The following SREBF1 variants were observed in gnomAD, a reference collection of about 807,000 sequenced individuals.
SREBF1 encodes sterol regulatory element binding transcription factor 1.
SREBF1 carries 45 observed loss-of-function variants against 100.1 expected under a neutral mutation model. The observed-to-expected ratio is 0.45, with a 90% confidence interval of 0.35 to 0.58. The LOEUF is 0.58. Among genes scored for constraint, SREBF1 ranks in the 20% least tolerant of loss-of-function variants. SREBF1 has a pLI of 0.00. For missense variants in SREBF1, 1,324 were observed against 1,539.4 expected, an observed-to-expected ratio of 0.86 and a Z score of 2.34; for synonymous variants, 657 against 681.8, an observed-to-expected ratio of 0.96 and a Z score of 0.57.
intron 1 of SREBF1, among the ~76,000 whole-genome samples, chr17:17,831,060 T>C (rs2034829908): frequency 6.6e-6 from 1 of 152,194 alleles, no homozygotes; most frequent in Admixed American, 6.5e-5. Flanking sequence ...AGGTGAATGT[T>C]GGGCAGAAGG....
chr17:17,823,404 G>A (rs1310634364), intron 1 of SREBF1: 2 of 852,188 alleles, frequency 2.3e-6, no homozygotes, highest in Non-Finnish European at 4.0e-6. Context: ...TCTCCCTCGG[G>A]AAGGGGCTCT....
chr17:17,813,352 GCAGCTGC>G lies in SREBF1; in HGVS notation c.3214+9_3214+15del. 1 of 1,577,942 alleles carries G rather than the reference GCAGCTGC, an allele frequency of 6.3e-7. No homozygotes were observed. On this transcript the variant is annotated intron_variant, in intron 18 of 18. Coordinates refer to ENST00000261646, the MANE Select transcript of SREBF1 (RefSeq NM_004176.5). Reference sequence around the variant, plus strand: ...TGAGCAGACAGCACATCCCTGGTCAGCAGCTGCCCCCTCACCTCCTTTGCCACCGGGG... The same window carrying G: ...TGAGCAGACAGCACATCCCTGGTCAGCCCCTCACCTCCTTTGCCACCGGGG...
intron 1 of SREBF1, among the ~76,000 whole-genome samples, chr17:17,827,419 G>A (rs919641250): frequency 5.9e-5 from 9 of 152,198 alleles, no homozygotes; most frequent in Non-Finnish European, 8.8e-5. Context: ...AGCAGGGTGA[G>A]GATGGGTGCC....
intron 1 of SREBF1, among the ~76,000 whole-genome samples, chr17:17,831,517 TC>T (rs2034860484): frequency 2.0e-5 from 3 of 151,994 alleles, no homozygotes; most frequent in East Asian, 1.9e-4. Context: ...CATGACGGGG[TC>T]CAGGCATAGG....
Position 17,817,309 on chromosome 17 carries a change from G to T in SREBF1, c.1553C>A (p.Thr518Asn). 6.2e-7 allele frequency: 1 copy of T among 1,606,968 alleles called. No individual in the cohort carries two copies. Among genetic ancestry groups the T allele is most frequent in the South Asian group, 1.1e-5 (1 of 89,966 alleles). ...CCCAGGGCTATGGTAGACGCTGGTGGTATCTGAGGGGCTGGGAAGCCCCCG... is the reference window on the plus strand; with the variant it reads ...CCCAGGGCTATGGTAGACGCTGGTGTTATCTGAGGGGCTGGGAAGCCCCCG... The part of the protein sequence containing the change: ...GARGLPSPSD[T>N]TSVYHSPGRN... The change falls in exon 8 of 19, where the codon ACC becomes AAC. Residue 518 changes from threonine to asparagine, a missense_variant. By Grantham distance (65) the Thr-to-Asn change is moderately conservative (BLOSUM62 0). Transcript: ENST00000261646. The surrounding 1 kb of genome is among the most constrained non-coding windows in gnomAD (Gnocchi z 6.6).
rs2143020745 is a variant in SREBF1 at position 17,824,227 on chromosome 17, C to G, written c.92-3706G>C. ...GCTGCGGTGGGTGCAGGGACCTCCC[C>G]CTTCTAGGGCAGCCCCAGGAAGGGG... On this transcript the variant is annotated intron_variant, in intron 1 of 18. Coordinates refer to ENST00000261646, the MANE Select transcript of SREBF1 (RefSeq NM_004176.5). The surrounding 1 kb of genome is among the most constrained non-coding windows in gnomAD (Gnocchi z 4.2). Among the ~76,000 whole-genome samples, 1 of 152,326 alleles carries G rather than the reference C, an allele frequency of 6.6e-6. No individual in the cohort carries two copies. Among genetic ancestry groups the G allele is most frequent in the East Asian group, 1.9e-4 (1 of 5,180 alleles).
chr17:17,816,499 C>A lies in SREBF1; in HGVS notation c.2005G>T (p.Ala669Ser). 2 of 1,604,044 alleles carry A rather than the reference C, an allele frequency of 1.2e-6. No individual in the cohort carries two copies. The highest frequency in any genetic ancestry group is 1.7e-6 in the Non-Finnish European group (2 of 1,176,242). Residue 669 changes from alanine to serine, a missense_variant, in exon 10 of 19, where the codon GCA (alanine) becomes TCA (serine). By Grantham distance (99) the Ala-to-Ser change is moderately conservative (BLOSUM62 1). Coordinates refer to ENST00000261646, the MANE Select transcript of SREBF1 (RefSeq NM_004176.5). ...RVDASASARD[A>S]ALVYHKLHQL... ...TGCAGCTTATGGTAGACCAGGGCTG[C>A]GTCTCGGGCGCTGGCGCTAGCATCC...
At position 17,812,368 on chromosome 17, in the gene SREBF1, C is replaced by G. The variant is rs1013522968; in HGVS notation, c.*254G>C. ...GGTGCCTGCAGAGCAAGGAGGGGGG[C>G]CCCCCAAAATGGCTCGGCCCCTGCA... On this transcript the variant is annotated 3_prime_UTR_variant, in exon 19 of 19. Transcript: ENST00000261646. The G allele has an allele frequency of 1.2e-5, 7 of 580,714 alleles. No homozygotes were observed. Among genetic ancestry groups the G allele is most frequent in the African/African-American group, 5.7e-5 (3 of 52,372 alleles). 36.0% of individuals were successfully genotyped at this position (580,714 alleles called of 1,614,324 possible).
chr17:17,836,601 G>A, intron 1 of SREBF1, 126 bp downstream of exon 1: 3 of 947,794 alleles, frequency 3.2e-6, no homozygotes, highest in Non-Finnish European at 4.8e-6. Flanking sequence ...CAGAGACACC[G>A]GGAAGTCCCG....
intron 1 of SREBF1, among the ~76,000 whole-genome samples, chr17:17,823,825 C>T (rs983142636): frequency 4.0e-5 from 6 of 151,858 alleles, no homozygotes; most frequent in Non-Finnish European, 7.4e-5. Context: ...CGCCCCACCT[C>T]CCCACGGCGG....
intron 9 of SREBF1, 119 bp downstream of exon 9, chr17:17,816,839 C>T: frequency 6.3e-7 from 1 of 1,588,954 alleles, no homozygotes; most frequent in Non-Finnish European, 8.6e-7. Context: ...CGTGGCTAGG[C>T]ACAGGGAGGA....
chr17:17,815,332 G>A lies in SREBF1; in HGVS notation c.2384-3C>T, dbSNP rs1448674093. On this transcript the variant is annotated splice_region_variant and splice_polypyrimidine_tract_variant and intron_variant, in intron 12 of 18. Transcript: ENST00000261646. ...AGTCACCTGGGCCAGGGGGTCCACT[G>A]TGGAGAGGAGGAGGTGAGTGGGGTG... The A allele has an allele frequency of 6.2e-7, 1 of 1,612,510 alleles. No individual in the cohort carries two copies.
Position 17,811,402 on chromosome 17 carries a change from A to AG in SREBF1, c.*1219dup, listed in dbSNP as rs1491285770. The AG allele has an allele frequency of 1.3e-4, 14 of 104,290 alleles. No individual in the cohort carries two copies. The highest frequency in any genetic ancestry group is 2.4e-4 in the Admixed American group (1 of 4,098). The allele number at this position is 104,290 out of a possible 1,614,324, so 6.5% of individuals were successfully genotyped here. Reference sequence around the variant, plus strand: ...AGAGTAAAAAACAGTCATTGCATTCAGAAAAAAAAAAAAAAAAAAGTCAAT... The same window carrying AG: ...AGAGTAAAAAACAGTCATTGCATTCAGGAAAAAAAAAAAAAAAAAAGTCAAT... On this transcript the variant is annotated 3_prime_UTR_variant, in exon 19 of 19. Transcript: ENST00000261646.
intron 3 of SREBF1, 34 bp from the exon 4 acceptor site, chr17:17,819,488 T>C: frequency 6.2e-7 from 1 of 1,613,394 alleles, no homozygotes; most frequent in Non-Finnish European, 8.5e-7. Context: ...GTAAGCTGTG[T>C]GTCTGGGCTG....
At position 17,812,763 on chromosome 17, in the gene SREBF1, G is replaced by A. The variant is rs1157110565; in HGVS notation, c.3303C>T (p.Phe1101=). The A allele has an allele frequency of 6.5e-7, 1 of 1,537,712 alleles. No homozygotes were observed. The highest frequency in any genetic ancestry group is 1.9e-5 in the Admixed American group (1 of 51,788). ...LLASCYLPPG[F]LSAPGQRVGM... The stretch of plus-strand genomic sequence containing the variant: ...CCACGCGCTGCCCGGGCGCCGACAG[G>A]AAGCCGGGGGGCAGGTAGCAGGAGG... The change falls in exon 19 of 19, where the codon TTC becomes TTT. Residue 1101 remains phenylalanine, a synonymous_variant. Transcript: ENST00000261646.
chr17:17,828,791 G>C (rs2034646879), intron 1 of SREBF1, among the ~76,000 whole-genome samples: 1 of 152,076 alleles, frequency 6.6e-6, no homozygotes, highest in Admixed American at 6.6e-5. Flanking sequence ...GCATGAGCCT[G>C]TAGTCTCCAT....
At chr17:17,829,241 CACACACACACACACACTCACACAT>C (rs2034707838) in intron 1 of SREBF1, among the ~76,000 whole-genome samples, 1 of 123,058 alleles carries the variant, frequency 8.1e-6, no homozygotes, top group Admixed American at 7.8e-5. Context: ...TATATGTATA[CACACACACACACACACTCACACAT>C]ACACACACAC....
rs1259009723 is a variant in SREBF1 at position 17,817,390 on chromosome 17, C to T, written c.1472G>A (p.Cys491Tyr). The T allele has an allele frequency of 1.2e-6, 2 of 1,605,938 alleles. No individual in the cohort carries two copies. The part of the protein sequence containing the change: ...GMLDRSRLAL[C>Y]TLVFLCLSCN... ...GGACAGGCAGAGGAAGACGAGCGTGCACAGGGCCAGGCGGGAGCGGTCCAG... is the reference window on the plus strand; with the variant it reads ...GGACAGGCAGAGGAAGACGAGCGTGTACAGGGCCAGGCGGGAGCGGTCCAG... Residue 491 changes from cysteine (C) to tyrosine (Y), a missense_variant, in exon 8 of 19, where the codon TGC becomes TAC. Physicochemically the swap from Cys to Tyr is radical, Grantham distance 194. Transcript: ENST00000261646. This position sits in a 1 kb window ranked among gnomAD's most constrained non-coding sequence, Gnocchi z 6.6.
rs748861159 is a variant in SREBF1, at chr17:17,819,080, C to T, written c.1001G>A (p.Arg334His). ...TTTGTCATTGATGGAGGAGCGGTAG[C>T]GCTTCTCAATGGCGTTGTGGGCTGT... Reference protein sequence around the residue: ...KRTAHNAIEKRYRSSINDKII... With the variant: ...KRTAHNAIEKHYRSSINDKII... The change falls in exon 5 of 19, where the codon CGC (arginine) becomes CAC (histidine). Residue 334 changes from arginine to histidine, a missense_variant. Arg to His is a conservative substitution (Grantham distance 29). Transcript: ENST00000261646. 12 of 1,614,048 alleles carry T rather than the reference C, an allele frequency of 7.4e-6. No homozygotes were observed. Among genetic ancestry groups the T allele is most frequent in the Admixed American group, 1.7e-5 (1 of 60,026 alleles).
Sources: gnomAD v4.1 joint callset for allele counts (sites outside exome capture counted in the v4.1 genomes callset) on GRCh38, gnomAD v4.1.1 for gene constraint, Gnocchi (gnomAD v3.1) non-coding constraint, MANE v1.5 for transcripts, NCBI Gene and HGNC (gene_info 2026-07-23, HGNC 2026-07-21) for gene names.